Variants in ARRDC3 observed in about 807,000 individuals in gnomAD.
ARRDC3 encodes the protein arrestin domain containing 3.
ARRDC3 carries 10 observed loss-of-function variants against 47.2 expected under a neutral mutation model. The observed-to-expected ratio is 0.21, with a 90% confidence interval of 0.13 to 0.36. ARRDC3 has a LOEUF of 0.36. Among genes scored for constraint, ARRDC3 ranks in the 10% least tolerant of loss-of-function variants. The pLI is 1.00. For missense variants in ARRDC3, 381 were observed against 503.6 expected (o/e 0.76, Z 2.33); for synonymous variants, 156 against 178.3 (o/e 0.87, Z 1.00).
chr5:91,373,598 T>C, intron 7 of ARRDC3, 86 bp downstream of exon 7: 2 of 1,266,940 alleles, frequency 1.6e-6, no homozygotes, highest in South Asian at 2.9e-5. Context: ...ATAATCAAGA[T>C]CTAATAACAT....
chr5:91,375,215 A>C (rs1162698363), intron 4 of ARRDC3, 37 bp from the exon 5 acceptor site: 16 of 1,570,490 alleles, frequency 1.0e-5, no homozygotes, highest in Non-Finnish European at 1.3e-5. Context: ...CTACTGTTAG[A>C]AAAAAACAAC....
intron 7 of ARRDC3, 62 bp downstream of exon 7, chr5:91,373,622 T>A: frequency 6.8e-7 from 1 of 1,467,392 alleles, no homozygotes; most frequent in Non-Finnish European, 9.3e-7. Context: ...GAAAAAAAAA[T>A]GCCTGCAATG....
At chr5:91,377,254 A>G (rs1799325681) in intron 2 of ARRDC3, among the ~76,000 whole-genome samples, 1 of 152,176 alleles carries the variant, frequency 6.6e-6, no homozygotes, top group African/African-American at 2.4e-5. Context: ...TGGAATAGTC[A>G]TTATAGTTTC....
In ARRDC3 at chr5:91,370,054, T is replaced by C. The variant is rs574992490; in HGVS notation, c.*1346A>G. ...CTAGTATTTTAAATTTTGAAGTTAC[T>C]TTTGGAATAAAGTCGAGTTTTCATG... On this transcript the variant is annotated 3_prime_UTR_variant, in exon 8 of 8. Transcript: ENST00000265138. 1 of 152,198 alleles carries C rather than the reference T, an allele frequency of 6.6e-6. No individual in the cohort carries two copies. Among genetic ancestry groups the C allele is most frequent in the Non-Finnish European group, 1.5e-5 (1 of 68,030 alleles). 9.4% of individuals were successfully genotyped at this position (152,198 alleles called of 1,614,324 possible). A position where few individuals can be genotyped will look rare whatever the true frequency, so the allele number is the denominator to read the frequency against.
chr5:91,376,097 C>T (rs1404916463), intron 3 of ARRDC3, among the ~76,000 whole-genome samples: 1 of 152,038 alleles, frequency 6.6e-6, no homozygotes, highest in Non-Finnish European at 1.5e-5. Flanking sequence ...TTGTTTAAAT[C>T]AAATAAAGTT....
Position 91,371,351 on chromosome 5 carries a change from A to C in ARRDC3, c.*49T>G. On this transcript the variant is annotated 3_prime_UTR_variant, in exon 8 of 8. Transcript: ENST00000265138. ...AGATACTTCTCTGTCCTCAGCCGGA[A>C]GAGATACAGTTCGGAACCCACATCA... 41 of 1,494,252 alleles carry C rather than the reference A, an allele frequency of 2.7e-5. No individual in the cohort carries two copies. Among genetic ancestry groups the C allele is most frequent in the Non-Finnish European group, 3.4e-5 (37 of 1,074,496 alleles). The allele number at this position is 1,494,252 out of a possible 1,614,324, so 92.6% of individuals were successfully genotyped here. A position where few individuals can be genotyped will look rare whatever the true frequency, so the allele number is the denominator to read the frequency against.
rs757472110 is a variant in ARRDC3 at position 91,375,110 on chromosome 5, T to C, written c.682A>G (p.Ile228Val). 8 of 1,614,156 alleles carry C rather than the reference T, an allele frequency of 5.0e-6. No individual in the cohort carries two copies. Among genetic ancestry groups the C allele is most frequent in the Non-Finnish European group, 5.9e-6 (7 of 1,180,022 alleles). The change falls in exon 5 of 8, where the codon ATT becomes GTT. Residue 228 changes from isoleucine (I) to valine (V), a missense_variant. Ile to Val is a conservative substitution (Grantham distance 29). Coordinates refer to ENST00000265138, the MANE Select transcript of ARRDC3 (RefSeq NM_020801.4). Reference sequence around the variant, plus strand: ...GCATAGAAGGCCTGTGTTTGGTAAATGGCTGCCTTTGGCACCACCATTCGG... The same window carrying C: ...GCATAGAAGGCCTGTGTTTGGTAAACGGCTGCCTTTGGCACCACCATTCGG... Reference protein sequence around the residue: ...SSRMVVPKAAIYQTQAFYAKG... With the variant: ...SSRMVVPKAAVYQTQAFYAKG...
intron 2 of ARRDC3, 56 bp from the exon 3 acceptor site, chr5:91,376,824 A>G (rs758455071): frequency 3.2e-5 from 48 of 1,488,348 alleles, no homozygotes; most frequent in Non-Finnish European, 4.2e-5. Flanking sequence ...TAACAATTAC[A>G]CAGTAGGTCA....
At chr5:91,373,621 A>T in intron 7 of ARRDC3, 63 bp downstream of exon 7, 3 of 1,471,548 alleles carry the variant, frequency 2.0e-6, no homozygotes, top group Non-Finnish European at 2.8e-6. Context: ...AGAAAAAAAA[A>T]TGCCTGCAAT....
At chr5:91,371,479 GT>G in intron 7 of ARRDC3, 23 bp from the exon 8 acceptor site, 1 of 1,589,310 alleles carries the variant, frequency 6.3e-7, no homozygotes, top group East Asian at 2.2e-5. Context: ...GAGAAAAAAA[GT>G]TTACAGAGTT....
chr5:91,379,288 G>T (rs747789731), intron 1 of ARRDC3, among the ~76,000 whole-genome samples: 50 of 111,538 alleles, frequency 4.5e-4, no homozygotes, highest in Non-Finnish European at 7.8e-4. Context: ...TCAAATAGAC[G>T]GAGTAAAAAA....
In ARRDC3 at chr5:91,383,082, C is replaced by T; in HGVS notation, c.11G>A (p.Gly4Glu). The change falls in exon 1 of 8, where the codon GGA (glycine) becomes GAA (glutamate). Residue 4 changes from glycine to glutamate, a missense_variant. Transcript: ENST00000265138. Reference protein sequence around the residue: MVLGKVKSLTISFD... With the variant: MVLEKVKSLTISFD... ...GCTTATTGTCAAACTCTTCACCTTT[C>T]CCAGCACCATGTTTATAACAAAATC... is the stretch of plus-strand genomic sequence containing the variant. 2 of 1,600,826 alleles carry T rather than the reference C, an allele frequency of 1.2e-6. No homozygotes were observed. Among genetic ancestry groups the T allele is most frequent in the Non-Finnish European group, 1.7e-6 (2 of 1,174,786 alleles).
chr5:91,374,728 A>T (rs1318296377), intron 5 of ARRDC3, among the ~76,000 whole-genome samples, 194 bp downstream of exon 5: 1 of 152,166 alleles, frequency 6.6e-6, no homozygotes, highest in Non-Finnish European at 1.5e-5. Flanking sequence ...TACAAAAAAT[A>T]CAAAAATTAT....
In ARRDC3 at chr5:91,369,109, T is replaced by G. The variant is rs146158267; in HGVS notation, c.*2291A>C. 0.011 allele frequency: 1,735 copies of G among 152,596 alleles called. 19 individuals are homozygous for G. The highest frequency in any genetic ancestry group is 0.014 in the Non-Finnish European group (984 of 68,024). The allele number at this position is 152,596 out of a possible 1,614,324, so 9.5% of individuals were successfully genotyped here. ...TAAAACTTTATTTGATAAAGTTTTATACATTTAAAGTTTTATCACATTTTG... is the reference window on the plus strand; with the variant it reads ...TAAAACTTTATTTGATAAAGTTTTAGACATTTAAAGTTTTATCACATTTTG... On this transcript the variant is annotated 3_prime_UTR_variant, in exon 8 of 8. Transcript: ENST00000265138.
chr5:91,381,676 A>C (rs1799460557), intron 1 of ARRDC3, among the ~76,000 whole-genome samples: 1 of 152,224 alleles, frequency 6.6e-6, no homozygotes, highest in Non-Finnish European at 1.5e-5. Context: ...AAGGTAAAAT[A>C]TGTCTCTAAT....
At chr5:91,382,499 T>C (rs1238436750) in intron 1 of ARRDC3, among the ~76,000 whole-genome samples, 1 of 152,378 alleles carries the variant, frequency 6.6e-6, no homozygotes, top group African/African-American at 2.4e-5. Flanking sequence ...GAAAATATAT[T>C]AGTAAAACGA....
intron 3 of ARRDC3, 117 bp from the exon 4 acceptor site, chr5:91,375,730 CTT>C: frequency 1.6e-6 from 1 of 607,904 alleles, no homozygotes. Context: ...ACTGGTTTTG[CTT>C]TTTTTTTGTA....
At position 91,374,057 on chromosome 5, in the gene ARRDC3, T is replaced by C. The variant is rs1219489091; in HGVS notation, c.1033+57A>G. ...GGGTCATAAAATATCAGAGGCAAAA[T>C]AATTTTCTTGATAATAGTAGTAAGA... On this transcript the variant is annotated intron_variant, in intron 6 of 7. Transcript: ENST00000265138. The C allele has an allele frequency of 2.6e-6, 4 of 1,556,034 alleles. No individual in the cohort carries two copies. The African/African-American group carries it at 5.5e-5, about 21-fold the overall frequency.
rs151214117 is a variant in ARRDC3 at position 91,379,153 on chromosome 5, C to T, written c.281-378G>A. Among the ~76,000 whole-genome samples, 315 of 152,120 alleles carry T rather than the reference C, an allele frequency of 2.1e-3. 2 individuals carry two copies. Among genetic ancestry groups the T allele is most frequent in the African/African-American group, 7.3e-3 (303 of 41,490 alleles). ...TCCAACGGTTTGCTTAAATTTATCA[C>T]ATTAAGACTATAATGTATCAAAGAA... On this transcript the variant is annotated intron_variant, in intron 1 of 7. Transcript: ENST00000265138.
Sources: allele counts gnomAD v4.1 joint callset (sites outside exome capture counted in the v4.1 genomes callset), GRCh38; gene constraint gnomAD v4.1.1; transcripts MANE v1.5; gene names NCBI Gene and HGNC (gene_info 2026-07-23, HGNC 2026-07-21).